Variants in KCNAB1 observed in about 807,000 individuals in gnomAD.
KCNAB1 encodes potassium voltage-gated channel subfamily A regulatory beta subunit 1, also known as voltage-gated potassium channel subunit beta-1.
A neutral mutation model predicts 64.6 loss-of-function variants in KCNAB1; 35 were observed. That is an observed-to-expected ratio of 0.54 (90% CI 0.41 to 0.72). KCNAB1 has a LOEUF of 0.72. Among genes scored for constraint, KCNAB1 ranks in the 30% least tolerant of loss-of-function variants. The probability of loss-of-function intolerance (pLI) is 0.00; values close to 1 mark genes in which losing one functional copy is unlikely to be tolerated. For synonymous variants in KCNAB1, 177 were observed against 183.8 expected (o/e 0.96, Z 0.30); for missense variants, 401 against 512.9 (o/e 0.78, Z 2.11).
intron 1 of KCNAB1, among the ~76,000 whole-genome samples, chr3:156,398,571 C>A: frequency 7.5e-6 from 1 of 132,752 alleles, no homozygotes; most frequent in Non-Finnish European, 1.5e-5. Context: ...CCAACCTGGG[C>A]GACAGCGAGA....
At chr3:156,134,288 T>G (rs567409647) in intron 1 of KCNAB1, among the ~76,000 whole-genome samples, 37 of 152,350 alleles carry the variant, frequency 2.4e-4, no homozygotes, top group African/African-American at 7.9e-4. Flanking sequence ...AAATTTTTCT[T>G]CCTCTATTAT....
At chr3:156,292,188 A>G in intron 1 of KCNAB1, 2 of 1,573,976 alleles carry the variant, frequency 1.3e-6, no homozygotes, top group Non-Finnish European at 1.7e-6. Context: ...TGCAGTGGAG[A>G]CAGTCCATCG....
chr3:156,195,091 C>A (rs1188443339), intron 1 of KCNAB1, among the ~76,000 whole-genome samples: 2 of 152,188 alleles, frequency 1.3e-5, no homozygotes, highest in African/African-American at 4.8e-5. Flanking sequence ...CAGCTTCATC[C>A]ATGTCCCTGC....
At chr3:156,336,911 A>T (rs577427094) in intron 1 of KCNAB1, among the ~76,000 whole-genome samples, 1 of 152,374 alleles carries the variant, frequency 6.6e-6, no homozygotes, top group South Asian at 2.1e-4. Flanking sequence ...TGCAGATTAG[A>T]TTAGCATTAT....
At chr3:156,345,093 A>G (rs1475607090) in intron 1 of KCNAB1, among the ~76,000 whole-genome samples, 3 of 152,244 alleles carry the variant, frequency 2.0e-5, no homozygotes, top group African/African-American at 7.2e-5. Context: ...TTCAGCAGGC[A>G]GTGGATCAGA....
At chr3:156,160,780 T>C (rs953676279) in intron 1 of KCNAB1, among the ~76,000 whole-genome samples, 3 of 152,218 alleles carry the variant, frequency 2.0e-5, no homozygotes, top group African/African-American at 7.2e-5. Context: ...CAGGATGTGT[T>C]CTGCATAGCT....
chr3:156,242,790 T>G (rs569065955), intron 1 of KCNAB1, among the ~76,000 whole-genome samples: 1 of 112,578 alleles, frequency 8.9e-6, no homozygotes, highest in African/African-American at 4.5e-5. Flanking sequence ...TTTTTTCAAG[T>G]TTTTTTTTTT....
intron 1 of KCNAB1, among the ~76,000 whole-genome samples, chr3:156,121,337 G>A (rs1420660746): frequency 6.6e-6 from 1 of 152,170 alleles, no homozygotes; most frequent in Non-Finnish European, 1.5e-5. Flanking sequence ...TGTTGAATGA[G>A]GGGTCAGGCT....
intron 5 of KCNAB1, among the ~76,000 whole-genome samples, chr3:156,463,315 G>C (rs866426108): frequency 6.6e-6 from 1 of 152,080 alleles, no homozygotes; most frequent in Non-Finnish European, 1.5e-5. Context: ...ACTTACTAAA[G>C]CAATTCATCC....
chr3:156,182,329 A>G (rs1359108189), intron 1 of KCNAB1, among the ~76,000 whole-genome samples: 1 of 152,186 alleles, frequency 6.6e-6, no homozygotes, highest in African/African-American at 2.4e-5. Flanking sequence ...TGAAGAAGAG[A>G]TCATAAAAAG....
intron 8 of KCNAB1, among the ~76,000 whole-genome samples, chr3:156,478,482 C>T (rs1373032924): frequency 1.3e-5 from 2 of 152,064 alleles, no homozygotes; most frequent in African/African-American, 4.8e-5. Flanking sequence ...ATGAGTTCAG[C>T]CCAACCCAGT....
At position 156,421,598 on chromosome 3, in the gene KCNAB1, G is replaced by C; in HGVS notation, c.276-18G>C. 1 of 1,613,334 alleles carries C rather than the reference G, an allele frequency of 6.2e-7. No individual in the cohort carries two copies. On this transcript the variant is annotated intron_variant, in intron 1 of 13. Transcript: ENST00000490337. ...CCTGAGGAAATGATGACCAAGTGTT[G>C]CTTTGTTTTTATTATAGGAATCTTG... is the stretch of plus-strand genomic sequence containing the variant.
At chr3:156,120,930 G>A in intron 1 of KCNAB1, 44 bp downstream of exon 1, 2 of 1,601,714 alleles carry the variant, frequency 1.2e-6, no homozygotes, top group Non-Finnish European at 1.7e-6. Context: ...GACGCCGTTC[G>A]AAGGTGCTCT....
At chr3:156,372,451 G>T (rs1220766361) in intron 1 of KCNAB1, among the ~76,000 whole-genome samples, 1 of 152,250 alleles carries the variant, frequency 6.6e-6, no homozygotes, top group Non-Finnish European at 1.5e-5. Context: ...TGTTAAGACA[G>T]ATTGCTGGGC....
chr3:156,526,717 G>T (rs189223530), intron 12 of KCNAB1, among the ~76,000 whole-genome samples: 2 of 152,070 alleles, frequency 1.3e-5, no homozygotes, highest in African/African-American at 4.8e-5. Flanking sequence ...AACAATCCGC[G>T]GAGGTCTATA....
intron 1 of KCNAB1, among the ~76,000 whole-genome samples, chr3:156,221,814 C>A (rs2108415765): frequency 6.8e-6 from 1 of 146,794 alleles, no homozygotes; most frequent in East Asian, 2.2e-4. Flanking sequence ...TCCAGCAAAA[C>A]TACGCTTCAT....
At chr3:156,291,767 A>G (rs921454119) in intron 1 of KCNAB1, 11 of 1,481,782 alleles carry the variant, frequency 7.4e-6, no homozygotes, top group Non-Finnish European at 9.9e-6. Flanking sequence ...GTCAGCCGCC[A>G]GGACTCCTCT....
At chr3:156,301,303 A>G (rs943956431) in intron 1 of KCNAB1, among the ~76,000 whole-genome samples, 1 of 151,958 alleles carries the variant, frequency 6.6e-6, no homozygotes, top group African/African-American at 2.4e-5. Context: ...AATGAATGCT[A>G]CTCTCTTTCA....
At chr3:156,417,537 GA>G (rs1440112681) in intron 1 of KCNAB1, among the ~76,000 whole-genome samples, 1 of 152,154 alleles carries the variant, frequency 6.6e-6, no homozygotes. Flanking sequence ...TTAAAATTGT[GA>G]ATAAGGTCTA....
Sources: allele counts gnomAD v4.1 joint callset (sites outside exome capture counted in the v4.1 genomes callset), GRCh38; gene constraint gnomAD v4.1.1; transcripts MANE v1.5; gene names NCBI Gene and HGNC (gene_info 2026-07-23, HGNC 2026-07-21).